MARCHF1: variants seen among roughly 807,000 people sequenced by gnomAD.
MARCHF1 encodes E3 ubiquitin-protein ligase MARCHF1.
Under a neutral mutation model 54.2 loss-of-function variants are expected in MARCHF1, and 40 were observed. That is an observed-to-expected ratio of 0.74 (90% CI 0.57 to 0.96). MARCHF1 has a LOEUF of 0.96. Among genes scored for constraint, MARCHF1 ranks in the 40% least tolerant of loss-of-function variants. The probability of loss-of-function intolerance (pLI) is 0.00; values close to 1 mark genes in which losing one functional copy is unlikely to be tolerated. For synonymous variants in MARCHF1, 236 were observed against 236.3 expected (o/e 1.00, Z 0.01); for missense variants, 586 against 656.5 (o/e 0.89, Z 1.17).
At chr4:163,765,396 A>G (rs1348574235) in intron 4 of MARCHF1, among the ~76,000 whole-genome samples, 3 of 152,132 alleles carry the variant, frequency 2.0e-5, no homozygotes, top group East Asian at 3.8e-4. Context: ...GTACATTTTC[A>G]GTGATTCACA....
At chr4:164,012,339 G>C (rs575237509) in intron 2 of MARCHF1, among the ~76,000 whole-genome samples, 1 of 152,134 alleles carries the variant, frequency 6.6e-6, no homozygotes, top group South Asian at 2.1e-4. Flanking sequence ...CTTGCAACTT[G>C]GGTGCCACCT....
chr4:163,714,945 G>A (rs1297463393), intron 4 of MARCHF1, among the ~76,000 whole-genome samples: 1 of 152,054 alleles, frequency 6.6e-6, no homozygotes, highest in South Asian at 2.1e-4. Context: ...GCCTCCCAAA[G>A]TGCTGAGATT....
chr4:164,245,078 A>G (rs1388934145), intron 1 of MARCHF1, among the ~76,000 whole-genome samples: 2 of 152,206 alleles, frequency 1.3e-5, no homozygotes, highest in Non-Finnish European at 2.9e-5. Flanking sequence ...AATCAATAGA[A>G]AAAGAGGGAA....
At chr4:164,024,463 C>A (rs933506237) in intron 2 of MARCHF1, among the ~76,000 whole-genome samples, 2 of 152,020 alleles carry the variant, frequency 1.3e-5, no homozygotes, top group African/African-American at 4.8e-5. Context: ...AAAATTACAG[C>A]CAAGAATTTC....
In MARCHF1 at chr4:164,012,378, G is replaced by C. The variant is rs1753440156; in HGVS notation, c.-247-23669C>G. 2.0e-5 allele frequency among the ~76,000 whole-genome samples: 3 copies of C among 152,130 alleles called. No homozygotes were observed. The South Asian group carries it at 6.2e-4, about 32-fold the overall frequency. On this transcript the variant is annotated intron_variant, in intron 2 of 9. Coordinates refer to ENST00000514618, the MANE Select transcript of MARCHF1 (RefSeq NM_001394959.1). ...CCTAAGTAAAATGAAGCATCAGGAA[G>C]ATTCCTGAAACCCCAGATTCCAGGT...
At chr4:163,866,886 C>T (rs1296928695) in intron 3 of MARCHF1, among the ~76,000 whole-genome samples, 1 of 151,904 alleles carries the variant, frequency 6.6e-6, no homozygotes, top group African/African-American at 2.4e-5. Flanking sequence ...GAAACTACTA[C>T]AGACCTTGAG....
Position 163,668,125 on chromosome 4 carries a change from T to C in MARCHF1, c.162+32688A>G, listed in dbSNP as rs148319186. Among the ~76,000 whole-genome samples the C allele has an allele frequency of 3.8e-3, 585 of 152,292 alleles. 2 individuals are homozygous for C. Among genetic ancestry groups the C allele is most frequent in the Non-Finnish European group, 6.7e-3 (459 of 68,020 alleles). ...ACATCAACATATGACCAACTGATCATGATACAGTTATAGCACTCTCTGTGA... is the reference window on the plus strand; with the variant it reads ...ACATCAACATATGACCAACTGATCACGATACAGTTATAGCACTCTCTGTGA... On this transcript the variant is annotated intron_variant, in intron 5 of 9. Transcript: ENST00000514618.
At chr4:163,802,297 C>G (rs1251731067) in intron 4 of MARCHF1, among the ~76,000 whole-genome samples, 1 of 152,070 alleles carries the variant, frequency 6.6e-6, no homozygotes, top group South Asian at 2.1e-4. Flanking sequence ...AAAAGGTGGG[C>G]CTATATATTT....
At chr4:163,876,979 T>C (rs1750303429) in intron 3 of MARCHF1, among the ~76,000 whole-genome samples, 1 of 152,134 alleles carries the variant, frequency 6.6e-6, no homozygotes, top group South Asian at 2.1e-4. Context: ...GATTCAATCA[T>C]AAATGTAATT....
At chr4:163,825,770 ATTT>A (rs550865980) in intron 4 of MARCHF1, among the ~76,000 whole-genome samples, 2 of 149,746 alleles carry the variant, frequency 1.3e-5, no homozygotes, top group East Asian at 3.9e-4. Flanking sequence ...TTCTCACCCA[ATTT>A]TTTTTTTCTT....
intron 1 of MARCHF1, among the ~76,000 whole-genome samples, chr4:164,293,054 A>G (rs991878136): frequency 1.3e-5 from 2 of 152,158 alleles, no homozygotes; most frequent in African/African-American, 4.8e-5. Context: ...TCTTCTTACC[A>G]ATGATTTTTA....
At chr4:164,289,588 A>G (rs948527377) in intron 1 of MARCHF1, among the ~76,000 whole-genome samples, 3 of 18,420 alleles carry the variant, frequency 1.6e-4, no homozygotes, top group Non-Finnish European at 4.7e-4. Flanking sequence ...TTAGATGGAA[A>G]AAAAAAAAAA....
chr4:163,878,926 A>G (rs1397583934), intron 3 of MARCHF1, among the ~76,000 whole-genome samples: 3 of 152,204 alleles, frequency 2.0e-5, no homozygotes, highest in Non-Finnish European at 4.4e-5. Flanking sequence ...GACTGTGAGT[A>G]GTTTCATTTG....
intron 1 of MARCHF1, among the ~76,000 whole-genome samples, chr4:164,214,049 G>A (rs965529963): frequency 1.3e-5 from 2 of 151,786 alleles, no homozygotes; most frequent in East Asian, 1.9e-4. Context: ...ATGTTTATGG[G>A]TAAATATATA....
At chr4:163,532,047 T>C (rs1738370806) in intron 9 of MARCHF1, among the ~76,000 whole-genome samples, 1 of 151,952 alleles carries the variant, frequency 6.6e-6, no homozygotes, top group African/African-American at 2.4e-5. Flanking sequence ...GATTCAATAC[T>C]ATCCCATTCA....
At chr4:164,048,679 G>A (rs1177032455) in intron 2 of MARCHF1, among the ~76,000 whole-genome samples, 2 of 152,100 alleles carry the variant, frequency 1.3e-5, no homozygotes, top group African/African-American at 4.8e-5. Flanking sequence ...AAGATATTTT[G>A]TGGCAACGTT....
intron 2 of MARCHF1, among the ~76,000 whole-genome samples, chr4:164,054,001 G>A (rs1045697104): frequency 6.6e-6 from 1 of 151,870 alleles, no homozygotes; most frequent in Admixed American, 6.6e-5. Flanking sequence ...TACAACATGG[G>A]AGAAAATTTT....
chr4:163,945,698 G>T (rs1752009776), intron 3 of MARCHF1, among the ~76,000 whole-genome samples: 1 of 152,058 alleles, frequency 6.6e-6, no homozygotes. Context: ...TTCATTTATT[G>T]AGTAATCTTG....
chr4:164,156,692 G>GTGCTGGGATTACAGGCTCCCAAAT (rs1730086097), intron 1 of MARCHF1, among the ~76,000 whole-genome samples: 2 of 152,150 alleles, frequency 1.3e-5, no homozygotes, highest in African/African-American at 4.8e-5. Flanking sequence ...GGCTCCCAAA[G>GTGCTGGGATTACAGGCTCCCAAAT]TGCTGGGATT....
Sources: allele counts gnomAD v4.1 joint callset (sites outside exome capture counted in the v4.1 genomes callset), GRCh38; gene constraint gnomAD v4.1.1; transcripts MANE v1.5; gene names NCBI Gene and HGNC (gene_info 2026-07-23, HGNC 2026-07-21).